The following DAB1 variants were observed in gnomAD, a reference collection of about 807,000 sequenced individuals.
DAB1 encodes the protein DAB adaptor protein 1.
In DAB1, 15 loss-of-function variants were observed where a neutral mutation model predicts 64.6. The ratio of observed to expected loss-of-function variants is 0.23; its 90% CI spans 0.16 to 0.36. The LOEUF (loss-of-function observed/expected upper bound fraction) is 0.36, where lower values mean the gene tolerates loss of function less well. Ranked by LOEUF, DAB1 falls within the 10% of genes least tolerant of loss-of-function variation. The pLI is 1.00. For synonymous variants in DAB1, 235 were observed against 251.9 expected (o/e 0.93, Z 0.64); for missense variants, 596 against 706.7 (o/e 0.84, Z 1.78).
intron 7 of DAB1, among the ~76,000 whole-genome samples, chr1:57,602,235 C>T (rs1459567617): frequency 6.6e-6 from 1 of 152,156 alleles, no homozygotes; most frequent in Non-Finnish European, 1.5e-5. Context: ...TTTCCCTTGC[C>T]TAAGCACTTT....
chr1:57,284,727 G>A (rs986574901), intron 2 of DAB1, among the ~76,000 whole-genome samples: 5 of 152,264 alleles, frequency 3.3e-5, no homozygotes, highest in African/African-American at 4.8e-5. Context: ...TAATCAATAT[G>A]ATGGCAATTT....
chr1:58,520,546 A>T (rs1488487195), intron 2 of DAB1, among the ~76,000 whole-genome samples: 2 of 152,240 alleles, frequency 1.3e-5, no homozygotes, highest in African/African-American at 2.4e-5. Context: ...AAAAAGGGCA[A>T]AGATAAAAAC....
intron 3 of DAB1, among the ~76,000 whole-genome samples, chr1:58,504,070 C>T (rs1160704462): frequency 1.3e-5 from 2 of 152,160 alleles, no homozygotes; most frequent in Admixed American, 1.3e-4. Context: ...CTGACTCCAC[C>T]GTTGCCCCAC....
chr1:58,072,835 C>T (rs894040300), intron 5 of DAB1, among the ~76,000 whole-genome samples: 8 of 152,186 alleles, frequency 5.3e-5, no homozygotes, highest in African/African-American at 1.9e-4. Context: ...GTATTATATG[C>T]AACATCAAAT....
chr1:57,764,570 C>T (rs12131036), intron 6 of DAB1, among the ~76,000 whole-genome samples: 26,517 of 152,154 alleles, frequency 0.17, 3,031 homozygotes, highest in Admixed American at 0.29. Flanking sequence ...AAATCTCTCC[C>T]TATCCGTCTT....
At chr1:58,180,276 C>CTTTTTTTTTTTTTTT (rs1557684483) in intron 4 of DAB1, among the ~76,000 whole-genome samples, 2 of 53,144 alleles carry the variant, frequency 3.8e-5, no homozygotes, top group Non-Finnish European at 7.2e-5. Flanking sequence ...TCTTTTTTTT[C>CTTTTTTTTTTTTTTT]TTTTCTTTTT....
chr1:57,751,030 C>T (rs1648526782), intron 6 of DAB1, among the ~76,000 whole-genome samples: 1 of 152,126 alleles, frequency 6.6e-6, no homozygotes, highest in Admixed American at 6.5e-5. Flanking sequence ...TTTGGGGCAG[C>T]CACCAAAGGT....
chr1:57,459,170 T>C (rs1343137414), intron 7 of DAB1, among the ~76,000 whole-genome samples: 2 of 152,196 alleles, frequency 1.3e-5, no homozygotes, highest in East Asian at 3.8e-4. Context: ...ACTTATGACA[T>C]AATTTATCTA....
intron 7 of DAB1, among the ~76,000 whole-genome samples, chr1:57,586,452 T>C (rs1471466647): frequency 6.8e-6 from 1 of 147,992 alleles, no homozygotes; most frequent in African/African-American, 2.5e-5. Flanking sequence ...TCTTTTCTTT[T>C]CTTTTCTTTT....
intron 5 of DAB1, among the ~76,000 whole-genome samples, chr1:58,047,277 T>C (rs1647299439): frequency 6.6e-6 from 1 of 152,258 alleles, no homozygotes; most frequent in African/African-American, 2.4e-5. Flanking sequence ...TAATATATTT[T>C]CTTTAATCCA....
At chr1:57,409,173 C>T (rs77823060) in intron 1 of DAB1, among the ~76,000 whole-genome samples, 9,255 of 152,258 alleles carry the variant, frequency 0.061, 360 homozygotes, top group Non-Finnish European at 0.094. Flanking sequence ...GGGGCTGCAC[C>T]TCCTGGGGTC....
At chr1:58,036,504 T>C (rs1270768461) in intron 5 of DAB1, among the ~76,000 whole-genome samples, 1 of 152,238 alleles carries the variant, frequency 6.6e-6, no homozygotes, top group Non-Finnish European at 1.5e-5. Flanking sequence ...TGGGACCAGC[T>C]GTTTCATTAT....
intron 4 of DAB1, among the ~76,000 whole-genome samples, chr1:58,307,070 AGT>A (rs1211956105): frequency 1.3e-5 from 2 of 152,230 alleles, no homozygotes; most frequent in Admixed American, 6.5e-5. Flanking sequence ...CTCTTCAACT[AGT>A]GTTTTCTCTA....
intron 11 of DAB1, among the ~76,000 whole-genome samples, chr1:57,022,431 A>G (rs1259135733): frequency 6.6e-6 from 1 of 152,270 alleles, no homozygotes; most frequent in Admixed American, 6.5e-5. Context: ...AAACTTCACA[A>G]TTGAATACAT....
At chr1:57,295,604 G>T (rs1673127860) in intron 1 of DAB1, among the ~76,000 whole-genome samples, 1 of 152,004 alleles carries the variant, frequency 6.6e-6, no homozygotes, top group Admixed American at 6.6e-5. Context: ...TGAGATTTGG[G>T]CATTAAAAAG....
At chr1:57,785,530 A>C (rs1261326367) in intron 6 of DAB1, among the ~76,000 whole-genome samples, 1 of 152,172 alleles carries the variant, frequency 6.6e-6, no homozygotes, top group African/African-American at 2.4e-5. Flanking sequence ...GAAGAAGTTG[A>C]TTCCAGCCTT....
intron 6 of DAB1, among the ~76,000 whole-genome samples, chr1:57,693,838 G>A (rs572964340): frequency 1.3e-5 from 2 of 152,176 alleles, no homozygotes; most frequent in East Asian, 1.9e-4. Context: ...CCAAAGGTCC[G>A]CAGCTTCATT....
At chr1:57,285,697 C>T (rs1672259462) in intron 2 of DAB1, among the ~76,000 whole-genome samples, 1 of 152,186 alleles carries the variant, frequency 6.6e-6, no homozygotes, top group African/African-American at 2.4e-5. Context: ...TTACACAGCA[C>T]ATAAAGAGAA....
intron 1 of DAB1, among the ~76,000 whole-genome samples, chr1:57,420,661 C>A (rs1233503557): frequency 1.3e-5 from 2 of 152,196 alleles, no homozygotes; most frequent in Non-Finnish European, 2.9e-5. Flanking sequence ...ACTAAGAGAT[C>A]ATTCTCTTGA....
Sources: gnomAD v4.1 joint callset for allele counts (sites outside exome capture counted in the v4.1 genomes callset) on GRCh38, gnomAD v4.1.1 for gene constraint, MANE v1.5 for transcripts, NCBI Gene and HGNC (gene_info 2026-07-23, HGNC 2026-07-21) for gene names.